Variants in STT3B observed in about 807,000 individuals in gnomAD.
STT3B encodes the protein STT3 oligosaccharyltransferase complex catalytic subunit B, also known as dolichyl-diphosphooligosaccharide--protein glycosyltransferase subunit STT3B.
In STT3B, 29 loss-of-function variants were observed where a neutral mutation model predicts 96.8. The ratio of observed to expected loss-of-function variants is 0.30; its 90% CI spans 0.22 to 0.41. The LOEUF is 0.41. Ranked by LOEUF, STT3B falls within the 10% of genes least tolerant of loss-of-function variation. STT3B has a pLI of 1.00. For missense variants in STT3B, 640 were observed against 1,022.3 expected, an observed-to-expected ratio of 0.63 and a Z score of 5.10; for synonymous variants, 367 against 360.0, an observed-to-expected ratio of 1.02 and a Z score of -0.22.
At chr3:31,628,288 C>G (rs1473620673) in intron 13 of STT3B, among the ~76,000 whole-genome samples, 2 of 152,086 alleles carry the variant, frequency 1.3e-5, no homozygotes, top group African/African-American at 2.4e-5. Context: ...TAACTTCTAG[C>G]AAGTTATATA....
chr3:31,590,773 A>G (rs1359514631), intron 3 of STT3B, among the ~76,000 whole-genome samples: 3 of 152,064 alleles, frequency 2.0e-5, no homozygotes, highest in African/African-American at 7.2e-5. Flanking sequence ...CCATTCATAA[A>G]CATATACTGT....
intron 1 of STT3B, 114 bp from the exon 2 acceptor site, chr3:31,576,282 G>T: frequency 8.9e-6 from 4 of 451,402 alleles, no homozygotes; most frequent in East Asian, 4.2e-5. Context: ...TGTTATATAA[G>T]TTTGATGAAA....
At chr3:31,583,424 C>T (rs1304066328) in intron 3 of STT3B, among the ~76,000 whole-genome samples, 2 of 152,086 alleles carry the variant, frequency 1.3e-5, no homozygotes, top group Non-Finnish European at 2.9e-5. Context: ...TCCCTCCTCA[C>T]TTCCCAAAGT....
chr3:31,597,839 T>TA lies in STT3B; in HGVS notation c.777+977dup, dbSNP rs899452704. On this transcript the variant is annotated intron_variant, in intron 4 of 15. Transcript: ENST00000295770. ...ATTCATTTTATTTCATTATTATTAT[T>TA]ATTATTTTTTTTTTGAGACAGAGTC... Among the ~76,000 whole-genome samples, 4 of 100,642 alleles carry TA rather than the reference T, an allele frequency of 4.0e-5. No individual in the cohort carries two copies. In the Admixed American group the frequency reaches 4.6e-4, roughly 12 times the overall value. The allele number at this position is 100,642 out of a possible 152,430, so 66.0% of individuals were successfully genotyped here.
chr3:31,535,722 C>A (rs1341170331), intron 1 of STT3B, among the ~76,000 whole-genome samples: 1 of 152,032 alleles, frequency 6.6e-6, no homozygotes, highest in South Asian at 2.1e-4. Flanking sequence ...GAAACTCCGA[C>A]TCAAAAAAGA....
intron 4 of STT3B, among the ~76,000 whole-genome samples, chr3:31,600,050 T>C (rs1698895595): frequency 1.3e-5 from 2 of 152,194 alleles, no homozygotes; most frequent in East Asian, 1.9e-4. Context: ...ACTCCTTGTC[T>C]CTATGACAGT....
chr3:31,592,411 C>A (rs1460623969), intron 3 of STT3B, among the ~76,000 whole-genome samples: 1 of 150,370 alleles, frequency 6.7e-6, no homozygotes, highest in African/African-American at 2.5e-5. Flanking sequence ...ATACAAATCT[C>A]TCTCCAAGAC....
chr3:31,592,664 G>T (rs1260338185), intron 3 of STT3B, among the ~76,000 whole-genome samples: 1 of 152,076 alleles, frequency 6.6e-6, no homozygotes, highest in Non-Finnish European at 1.5e-5. Flanking sequence ...AGTTTTATTT[G>T]TAGTTCCCTA....
chr3:31,551,321 T>A (rs1255204972), intron 1 of STT3B, among the ~76,000 whole-genome samples: 1 of 152,098 alleles, frequency 6.6e-6, no homozygotes, highest in Non-Finnish European at 1.5e-5. Flanking sequence ...GCTCAAATGA[T>A]CCTCCCACCT....
chr3:31,533,361 G>A, intron 1 of STT3B, 49 bp downstream of exon 1: 1 of 1,411,386 alleles, frequency 7.1e-7, no homozygotes, highest in Non-Finnish European at 9.3e-7. Flanking sequence ...GGGGAACCGG[G>A]ACCCGCTCCT....
chr3:31,592,866 A>G (rs1290937115), intron 3 of STT3B, among the ~76,000 whole-genome samples: 5 of 152,170 alleles, frequency 3.3e-5, no homozygotes, highest in Non-Finnish European at 7.3e-5. Context: ...ATGAAGGGGA[A>G]AAAAGTGCCA....
At chr3:31,569,122 G>GC (rs1380350519) in intron 1 of STT3B, among the ~76,000 whole-genome samples, 1 of 152,082 alleles carries the variant, frequency 6.6e-6, no homozygotes, top group East Asian at 1.9e-4. Flanking sequence ...TGATCCGCCT[G>GC]CCTTAGCCTC....
intron 1 of STT3B, among the ~76,000 whole-genome samples, chr3:31,562,393 G>T (rs1697901459): frequency 6.6e-6 from 1 of 152,144 alleles, no homozygotes; most frequent in Non-Finnish European, 1.5e-5. Context: ...TAGTGTTCAG[G>T]TGTCACTGGT....
At chr3:31,625,814 T>C in intron 12 of STT3B, 140 bp from the exon 13 acceptor site, 1 of 689,910 alleles carries the variant, frequency 1.4e-6, no homozygotes. Context: ...TTTGTTGAAT[T>C]CATAGTAAAT....
chr3:31,594,081 TAAATGAAGACC>T (rs1478838298), intron 3 of STT3B, among the ~76,000 whole-genome samples: 1 of 152,212 alleles, frequency 6.6e-6, no homozygotes, highest in Admixed American at 6.5e-5. Context: ...TTAATATGTG[TAAATGAAGACC>T]AAATGGTGAG....
intron 1 of STT3B, among the ~76,000 whole-genome samples, chr3:31,552,138 T>G (rs185899385): frequency 6.6e-5 from 10 of 152,340 alleles, no homozygotes; most frequent in Non-Finnish European, 1.2e-4. Context: ...ATGATAGAAT[T>G]AGTATATGTT....
chr3:31,633,657 A>G (rs919020890), intron 15 of STT3B, among the ~76,000 whole-genome samples: 5 of 152,182 alleles, frequency 3.3e-5, no homozygotes, highest in African/African-American at 1.2e-4. Flanking sequence ...GGCAGGAATT[A>G]TGAGACTACT....
At chr3:31,600,321 TA>T in intron 4 of STT3B, 38 bp from the exon 5 acceptor site, 1 of 924,738 alleles carries the variant, frequency 1.1e-6, no homozygotes, top group Non-Finnish European at 1.7e-6. Flanking sequence ...TTTTAAAAAG[TA>T]AAAATATATA....
At chr3:31,575,197 A>G (rs570087109) in intron 1 of STT3B, among the ~76,000 whole-genome samples, 1 of 152,240 alleles carries the variant, frequency 6.6e-6, no homozygotes, top group Non-Finnish European at 1.5e-5. Context: ...TAACTTGCCC[A>G]ACCAAGGTCA....
Sources: allele counts gnomAD v4.1 joint callset (sites outside exome capture counted in the v4.1 genomes callset), GRCh38; gene constraint gnomAD v4.1.1; transcripts MANE v1.5; gene names NCBI Gene and HGNC (gene_info 2026-07-23, HGNC 2026-07-21).